Variants in RBFOX1 observed in about 807,000 individuals in gnomAD.
The protein encoded by RBFOX1 is RNA binding protein fox-1 homolog 1.
In RBFOX1, 8 loss-of-function variants were observed where a neutral mutation model predicts 57.7. The observed-to-expected ratio is 0.14, with a 90% CI of 0.08 to 0.25. The LOEUF (loss-of-function observed/expected upper bound fraction) is 0.25. Among genes scored for constraint, RBFOX1 ranks in the 10% least tolerant of loss-of-function variants. The probability of loss-of-function intolerance (pLI) is 1.00; values close to 1 mark genes in which losing one functional copy is unlikely to be tolerated. For missense variants in RBFOX1, 611 were observed against 548.5 expected, an observed-to-expected ratio of 1.11 and a Z score of -1.14; for synonymous variants, 326 against 222.4, an observed-to-expected ratio of 1.47 and a Z score of -4.15.
intron 3 of RBFOX1, among the ~76,000 whole-genome samples, chr16:5,691,709 T>A (rs1469004591): frequency 6.6e-6 from 1 of 152,238 alleles, no homozygotes; most frequent in Non-Finnish European, 1.5e-5. Context: ...TGTTTTCAGA[T>A]GAGGGATGCT....
At chr16:6,886,064 TTC>T (rs2063950425) in intron 3 of RBFOX1, among the ~76,000 whole-genome samples, 2 of 146,110 alleles carry the variant, frequency 1.4e-5, no homozygotes, top group Non-Finnish European at 1.5e-5. Context: ...TATTTTTTTT[TTC>T]TTTTTTTTTT....
At position 7,332,799 on chromosome 16, in the gene RBFOX1, G is replaced by A. The variant is rs182615482; in HGVS notation, c.28-185348G>A. Reference sequence around the variant, plus strand: ...TTTGCAGCTGCTGTGTCTCTTCGTCGTCTGGGAAGAAAACTTTCACATTAA... The same window carrying A: ...TTTGCAGCTGCTGTGTCTCTTCGTCATCTGGGAAGAAAACTTTCACATTAA... On this transcript the variant is annotated intron_variant, in intron 4 of 15. Coordinates refer to ENST00000550418, the MANE Select transcript of RBFOX1 (RefSeq NM_018723.4). 3.7e-4 allele frequency: 514 copies of A among 1,396,028 alleles called. 2 individuals are homozygous for A. The South Asian group carries it at 5.2e-3, about 14-fold the overall frequency. 86.5% of individuals were successfully genotyped at this position (1,396,028 alleles called of 1,614,324 possible).
intron 2 of RBFOX1, among the ~76,000 whole-genome samples, chr16:6,505,773 A>G (rs962684310): frequency 6.6e-6 from 1 of 152,250 alleles, no homozygotes; most frequent in Non-Finnish European, 1.5e-5. Flanking sequence ...AGAGTGGTAC[A>G]TAAGAGAATT....
intron 5 of RBFOX1, among the ~76,000 whole-genome samples, chr16:7,579,328 C>T (rs1602358950): frequency 2.0e-5 from 3 of 152,142 alleles, no homozygotes; most frequent in South Asian, 2.1e-4. Flanking sequence ...TCTTCAGATT[C>T]TGAACAGCGT....
intron 2 of RBFOX1, among the ~76,000 whole-genome samples, chr16:6,559,855 T>G (rs1232659068): frequency 1.3e-5 from 2 of 152,148 alleles, no homozygotes; most frequent in East Asian, 3.9e-4. Context: ...CTTATCTGCC[T>G]AAAGTCTGGA....
downstream of RBFOX1, among the ~76,000 whole-genome samples, chr16:5,604,515 G>A (rs550666979): frequency 6.6e-6 from 1 of 152,318 alleles, no homozygotes; most frequent in Admixed American, 6.5e-5. Flanking sequence ...ATGTGACAGT[G>A]TGCTTTTCCC....
At chr16:5,859,400 A>C (rs186856700) in intron 3 of RBFOX1, among the ~76,000 whole-genome samples, 32 of 152,332 alleles carry the variant, frequency 2.1e-4, no homozygotes, top group African/African-American at 7.5e-4. Flanking sequence ...AATATACATA[A>C]AACAGCAAGA....
At chr16:7,689,643 G>A (rs2076899592) in intron 14 of RBFOX1, among the ~76,000 whole-genome samples, 2 of 152,054 alleles carry the variant, frequency 1.3e-5, no homozygotes, top group African/African-American at 2.4e-5. Flanking sequence ...ATTTTGGAGT[G>A]GAAGAGAGGT....
intron 1 of RBFOX1, among the ~76,000 whole-genome samples, chr16:6,177,922 TAAA>T (rs57642754): frequency 1.0e-4 from 14 of 139,966 alleles, no homozygotes; most frequent in Non-Finnish European, 1.1e-4. Context: ...TCAGTGGGGG[TAAA>T]AAAAAAAAAA....
At chr16:7,495,394 A>T (rs568670903) in intron 4 of RBFOX1, among the ~76,000 whole-genome samples, 1 of 152,202 alleles carries the variant, frequency 6.6e-6, no homozygotes, top group South Asian at 2.1e-4. Context: ...AAATACTCAA[A>T]CAGCTTTCCA....
intron 1 of RBFOX1, among the ~76,000 whole-genome samples, chr16:6,303,677 GGAAAA>G (rs1010079366): frequency 2.7e-4 from 41 of 152,124 alleles, no homozygotes; most frequent in African/African-American, 9.9e-4. Context: ...TAGATTCAAA[GGAAAA>G]GATGATTAAT....
At chr16:7,222,306 G>A (rs898925750) in intron 4 of RBFOX1, among the ~76,000 whole-genome samples, 3 of 152,192 alleles carry the variant, frequency 2.0e-5, no homozygotes, top group African/African-American at 4.8e-5. Context: ...AGACAGGCAA[G>A]CAGACCTAAT....
At chr16:7,492,507 C>T (rs1426933771) in intron 4 of RBFOX1, among the ~76,000 whole-genome samples, 1 of 152,130 alleles carries the variant, frequency 6.6e-6, no homozygotes, top group Admixed American at 6.5e-5. Flanking sequence ...ATGACAGCCA[C>T]TAGCCACATG....
chr16:7,698,186 GTGTGTGTGTGTGTGTGTGT>G (rs2079421557), intron 14 of RBFOX1, among the ~76,000 whole-genome samples: 1 of 103,272 alleles, frequency 9.7e-6, no homozygotes. Flanking sequence ...CCAAGAGGGT[GTGTGTGTGTGTGTGTGTGT>G]GTGTGTGTGT....
chr16:6,265,827 T>G (rs749514775), intron 1 of RBFOX1, among the ~76,000 whole-genome samples: 4 of 152,138 alleles, frequency 2.6e-5, no homozygotes, highest in Non-Finnish European at 5.9e-5. Flanking sequence ...TTCTGCCCCC[T>G]CTTCTGCCCA....
intron 10 of RBFOX1, among the ~76,000 whole-genome samples, chr16:7,611,750 C>T (rs1467450026): frequency 6.6e-6 from 1 of 152,122 alleles, no homozygotes; most frequent in East Asian, 1.9e-4. Context: ...TTCCTTCTCC[C>T]TCACACGTGC....
chr16:6,270,503 G>A (rs1380604180), intron 1 of RBFOX1, among the ~76,000 whole-genome samples: 1 of 148,892 alleles, frequency 6.7e-6, no homozygotes, highest in African/African-American at 2.5e-5. Flanking sequence ...GATATGTAAT[G>A]ATACAGTGAT....
rs554752729 is a variant in RBFOX1, at chr16:7,248,819, T to C, written c.27+196721T>C. Among the ~76,000 whole-genome samples the C allele has an allele frequency of 2.6e-5, 4 of 152,340 alleles. No individual in the cohort carries two copies. The East Asian group carries it at 5.8e-4, about 22-fold the overall frequency. ...AATGCTATTTATAACAGTTGCCTTT[T>C]TGAGTAATCATTTAGCTGTCATCTA... On this transcript the variant is annotated intron_variant, in intron 4 of 15. Transcript: ENST00000550418.
intron 4 of RBFOX1, among the ~76,000 whole-genome samples, chr16:5,891,529 C>T (rs1231192772): frequency 2.6e-5 from 4 of 152,168 alleles, no homozygotes; most frequent in South Asian, 2.1e-4. Flanking sequence ...GGAAACAGCC[C>T]GTTTTCCCTC....
Sources: allele counts gnomAD v4.1 joint callset (sites outside exome capture counted in the v4.1 genomes callset), GRCh38; gene constraint gnomAD v4.1.1; transcripts MANE v1.5; gene names NCBI Gene and HGNC (gene_info 2026-07-23, HGNC 2026-07-21).